Variants in CTXND2 observed in about 807,000 individuals in gnomAD.
CTXND2 encodes cortexin domain containing 2.
At chr1:150,893,316 T>G (rs972891311) in intron 1 of CTXND2, among the ~76,000 whole-genome samples, 4 of 152,210 alleles carry the variant, frequency 2.6e-5, no homozygotes, top group African/African-American at 7.2e-5. Flanking sequence ...CAATCCATTT[T>G]TTTTCATCTT....
chr1:150,909,064 AC>A (rs1432083050), intron 1 of CTXND2, among the ~76,000 whole-genome samples: 1 of 151,504 alleles, frequency 6.6e-6, no homozygotes, highest in Non-Finnish European at 1.5e-5. Flanking sequence ...ACATGGTGAA[AC>A]CCGACTCTAC....
chr1:150,904,596 G>A (rs1669104598), intron 1 of CTXND2, among the ~76,000 whole-genome samples: 1 of 152,150 alleles, frequency 6.6e-6, no homozygotes, highest in Non-Finnish European at 1.5e-5. Flanking sequence ...TTCCTTCACT[G>A]TCTCAGAACC....
chr1:150,905,055 AAG>A (rs1245344249), intron 1 of CTXND2, among the ~76,000 whole-genome samples: 1 of 127,272 alleles, frequency 7.9e-6, no homozygotes, highest in Non-Finnish European at 1.6e-5. Context: ...GATAATCAAA[AAG>A]AAAACCACAC....
chr1:150,910,251 T>C (rs1669228091), intron 1 of CTXND2, among the ~76,000 whole-genome samples: 1 of 150,966 alleles, frequency 6.6e-6, no homozygotes, highest in African/African-American at 2.4e-5. Flanking sequence ...TGCCTCAGTC[T>C]CCTGAGTAGC....
Position 150,903,780 on chromosome 1 carries a change from G to C in CTXND2, c.-73-8462G>C, listed in dbSNP as rs1471065867. On this transcript the variant is annotated intron_variant, in intron 1 of 1. Coordinates refer to ENST00000636087, the Ensembl canonical transcript of CTXND2. Reference sequence around the variant, plus strand: ...GCCATTTTTGCCCTCCAGCCTGAGCGACAGTGTGAAACTCCGTCTCAAAAA... The same window carrying C: ...GCCATTTTTGCCCTCCAGCCTGAGCCACAGTGTGAAACTCCGTCTCAAAAA... 4 of 381,712 alleles carry C rather than the reference G, an allele frequency of 1.0e-5. No individual in the cohort carries two copies. In the East Asian group the frequency reaches 2.6e-4, roughly 25 times the overall value. The allele number at this position is 381,712 out of a possible 1,614,324, so 23.6% of individuals were successfully genotyped here. A position where few individuals can be genotyped will look rare whatever the true frequency, so the allele number is the denominator to read the frequency against.
chr1:150,888,852 G>A (rs1358918935), intron 1 of CTXND2, among the ~76,000 whole-genome samples: 3 of 151,688 alleles, frequency 2.0e-5, no homozygotes, highest in Non-Finnish European at 2.9e-5. Context: ...GTGCCACCAC[G>A]CCAGGCTAAT....
chr1:150,909,587 C>T (rs587629005), intron 1 of CTXND2, among the ~76,000 whole-genome samples: 11 of 152,138 alleles, frequency 7.2e-5, no homozygotes, highest in Non-Finnish European at 4.4e-5. Context: ...TTGATGAAGT[C>T]CAGTTTCTCT....
chr1:150,911,171 C>A (rs901474438), intron 1 of CTXND2, among the ~76,000 whole-genome samples: 2 of 150,770 alleles, frequency 1.3e-5, no homozygotes, highest in Non-Finnish European at 3.0e-5. Flanking sequence ...TGGTGTTGAA[C>A]TCCTGACCTC....
At chr1:150,891,336 C>T (rs1267773244) in intron 1 of CTXND2, among the ~76,000 whole-genome samples, 5 of 152,066 alleles carry the variant, frequency 3.3e-5, no homozygotes, top group African/African-American at 1.2e-4. Flanking sequence ...GCCTCAGCCT[C>T]CCGAGTAGCT....
chr1:150,892,557 A>G lies in CTXND2; in HGVS notation c.-74+5244A>G, dbSNP rs587669502. Among the ~76,000 whole-genome samples, 4 of 138,294 alleles carry G rather than the reference A, an allele frequency of 2.9e-5. No homozygotes were observed. The South Asian group carries it at 8.9e-4, about 31-fold the overall frequency. 90.7% of individuals were successfully genotyped at this position (138,294 alleles called of 152,430 possible). On this transcript the variant is annotated intron_variant, in intron 1 of 1. Transcript: ENST00000636087. ...TTTTTTTTTTTTTTTTTATTGAGACAGGGCCTCGCTTTATCATCCAGCCTG... is the reference window on the plus strand; with the variant it reads ...TTTTTTTTTTTTTTTTTATTGAGACGGGGCCTCGCTTTATCATCCAGCCTG...
intron 1 of CTXND2, among the ~76,000 whole-genome samples, chr1:150,902,710 T>C: frequency 6.6e-6 from 1 of 151,826 alleles, no homozygotes. Flanking sequence ...TTTCACATAC[T>C]CAAAAAATAA....
intron 1 of CTXND2, among the ~76,000 whole-genome samples, chr1:150,908,000 T>C (rs1404764175): frequency 2.0e-5 from 3 of 150,274 alleles, no homozygotes; most frequent in East Asian, 3.9e-4. Flanking sequence ...TGAGCCACCG[T>C]GCCCAGCCAG....
At chr1:150,900,940 T>C (rs587662048) in intron 1 of CTXND2, among the ~76,000 whole-genome samples, 17 of 152,154 alleles carry the variant, frequency 1.1e-4, no homozygotes, top group Non-Finnish European at 2.4e-4. Flanking sequence ...AATGGTGAGA[T>C]CTTGTCTCTA....
At chr1:150,900,396 G>T (rs1454355740) in intron 1 of CTXND2, among the ~76,000 whole-genome samples, 1 of 152,114 alleles carries the variant, frequency 6.6e-6, no homozygotes, top group Non-Finnish European at 1.5e-5. Flanking sequence ...ACACTGGAAG[G>T]AACAAACGTT....
chr1:150,898,788 G>A (rs1424995353), intron 1 of CTXND2, among the ~76,000 whole-genome samples: 1 of 146,982 alleles, frequency 6.8e-6, no homozygotes, highest in Non-Finnish European at 1.5e-5. Context: ...AGAAAGGCAG[G>A]GCGGGGGGCC....
intron 1 of CTXND2, among the ~76,000 whole-genome samples, chr1:150,900,165 C>G (rs587772230): frequency 6.6e-6 from 1 of 152,144 alleles, no homozygotes; most frequent in Non-Finnish European, 1.5e-5. Context: ...GCTGCTCAGT[C>G]TTTGGGTCTG....
intron 1 of CTXND2, among the ~76,000 whole-genome samples, chr1:150,892,830 T>C (rs1177078720): frequency 2.0e-5 from 3 of 152,136 alleles, no homozygotes; most frequent in African/African-American, 7.2e-5. Context: ...TGAGCCACCA[T>C]GCCTGGCTTC....
intron 1 of CTXND2, among the ~76,000 whole-genome samples, chr1:150,907,083 A>C (rs1463135635): frequency 6.6e-6 from 1 of 152,204 alleles, no homozygotes; most frequent in Non-Finnish European, 1.5e-5. Context: ...ACAATGCAGA[A>C]GAAGAAGCCT....
intron 1 of CTXND2, among the ~76,000 whole-genome samples, chr1:150,902,028 G>A (rs1669047076): frequency 6.6e-6 from 1 of 152,142 alleles, no homozygotes; most frequent in African/African-American, 2.4e-5. Flanking sequence ...GACTTTGGGA[G>A]GCCGAGGCAG....
Sources: allele counts gnomAD v4.1 joint callset (sites outside exome capture counted in the v4.1 genomes callset), GRCh38; gene constraint gnomAD v4.1.1; transcripts MANE v1.5; gene names NCBI Gene and HGNC (gene_info 2026-07-23, HGNC 2026-07-21).